The following KHDRBS3 variants were observed in gnomAD, a reference collection of about 807,000 sequenced individuals.
The protein encoded by KHDRBS3 is KH RNA binding domain containing, signal transduction associated 3.
In KHDRBS3, 23 loss-of-function variants were observed where a neutral mutation model predicts 45.6. The observed-to-expected ratio is 0.50, with a 90% CI of 0.36 to 0.72. The LOEUF is 0.72. Among genes scored for constraint, KHDRBS3 ranks in the 30% least tolerant of loss-of-function variants. The probability of loss-of-function intolerance (pLI) is 0.00; values close to 1 mark genes in which losing one functional copy is unlikely to be tolerated. For synonymous variants in KHDRBS3, 162 were observed against 156.5 expected (o/e 1.04, Z -0.26); for missense variants, 352 against 424.8 (o/e 0.83, Z 1.51).
At chr8:135,556,413 T>G (rs150581579) in intron 4 of KHDRBS3, among the ~76,000 whole-genome samples, 1,706 of 152,328 alleles carry the variant, frequency 0.011, 24 homozygotes, top group African/African-American at 0.037. Context: ...CCTGACTTTT[T>G]AATGATTGCC....
intron 7 of KHDRBS3, among the ~76,000 whole-genome samples, chr8:135,639,468 A>T (rs1401755974): frequency 6.6e-6 from 1 of 152,176 alleles, no homozygotes; most frequent in East Asian, 1.9e-4. Flanking sequence ...GGGAGATTGA[A>T]AGCTGGGTGT....
chr8:135,556,449 T>A (rs10094413), intron 4 of KHDRBS3, among the ~76,000 whole-genome samples: 88,306 of 151,574 alleles, frequency 0.58, 26,478 homozygotes, highest in East Asian at 0.78. Context: ...AGATGGTATC[T>A]CATTGTGGTT....
rs1210590766 is a variant in KHDRBS3, at chr8:135,582,039, C to T, written c.773C>T (p.Pro258Leu). 6.3e-7 allele frequency: 1 copy of T among 1,589,336 alleles called. No individual in the cohort carries two copies. Among genetic ancestry groups the T allele is most frequent in the Non-Finnish European group, 8.6e-7 (1 of 1,165,138 alleles). ...CCCCCAACTGGGTACAGACCTCCACCGCCACCCCCGACACAAGAGACTTAT... is the reference window on the plus strand; with the variant it reads ...CCCCCAACTGGGTACAGACCTCCACTGCCACCCCCGACACAAGAGACTTAT... The part of the protein sequence containing the change: ...GVPPTGYRPP[P>L]PPPTQETYGE... Residue 258 changes from proline (P) to leucine (L), a missense_variant, in exon 6 of 9, where the codon CCG (proline) becomes CTG (leucine). Around this residue, in one of 6 missense-constraint regions of KHDRBS3, gnomAD observed 212 missense variants for 209.6 expected, o/e 1.01. Coordinates refer to ENST00000355849, the MANE Select transcript of KHDRBS3 (RefSeq NM_006558.3).
At chr8:135,537,704 T>C (rs975655892) in intron 2 of KHDRBS3, among the ~76,000 whole-genome samples, 6 of 152,160 alleles carry the variant, frequency 3.9e-5, no homozygotes, top group African/African-American at 1.4e-4. Context: ...AGAGATACAA[T>C]AATTGACATC....
intron 2 of KHDRBS3, among the ~76,000 whole-genome samples, chr8:135,536,204 A>G (rs16905388): frequency 0.016 from 2,288 of 142,142 alleles, 66 homozygotes; most frequent in African/African-American, 0.053. Flanking sequence ...TTTTGCCCAT[A>G]GACTTCAGTG....
chr8:135,525,396 A>G (rs892751465), intron 2 of KHDRBS3, among the ~76,000 whole-genome samples: 3 of 152,156 alleles, frequency 2.0e-5, no homozygotes, highest in African/African-American at 4.8e-5. Context: ...ACATTTCAGC[A>G]CTATGGTTTT....
At chr8:135,602,867 G>A (rs896991636) in intron 6 of KHDRBS3, among the ~76,000 whole-genome samples, 4 of 152,164 alleles carry the variant, frequency 2.6e-5, no homozygotes, top group Non-Finnish European at 5.9e-5. Flanking sequence ...ATGAGCTAGT[G>A]TATAATTTTC....
intron 1 of KHDRBS3, among the ~76,000 whole-genome samples, chr8:135,506,404 CTTTTTTTT>C (rs35050617): frequency 7.2e-6 from 1 of 139,780 alleles, no homozygotes; most frequent in South Asian, 2.3e-4. Flanking sequence ...TAACATTCCT[CTTTTTTTT>C]TTTTTTTTTG....
chr8:135,607,255 T>C (rs1448856157), intron 7 of KHDRBS3, among the ~76,000 whole-genome samples: 1 of 152,212 alleles, frequency 6.6e-6, no homozygotes, highest in African/African-American at 2.4e-5. Context: ...AAATAAAAAC[T>C]GAAATTTTAG....
intron 1 of KHDRBS3, among the ~76,000 whole-genome samples, chr8:135,508,805 G>C (rs774774256): frequency 1.3e-5 from 2 of 152,150 alleles, no homozygotes; most frequent in Non-Finnish European, 2.9e-5. Context: ...CTAAGGGACT[G>C]GTCTGTTTGG....
intron 6 of KHDRBS3, among the ~76,000 whole-genome samples, chr8:135,600,824 G>A (rs898370727): frequency 5.3e-5 from 8 of 152,080 alleles, no homozygotes; most frequent in Non-Finnish European, 1.2e-4. Context: ...ACAGCCTCTC[G>A]AGTAGCTGGG....
At chr8:135,475,621 T>C (rs1168484232) in intron 1 of KHDRBS3, among the ~76,000 whole-genome samples, 2 of 152,092 alleles carry the variant, frequency 1.3e-5, no homozygotes, top group Non-Finnish European at 2.9e-5. Flanking sequence ...GCCTTCAGTC[T>C]GGTTTTAAAT....
chr8:135,554,652 G>T (rs915413607), intron 4 of KHDRBS3, among the ~76,000 whole-genome samples: 2 of 152,022 alleles, frequency 1.3e-5, no homozygotes, highest in African/African-American at 4.8e-5. Context: ...ACTTGTATTG[G>T]TCATTATTTG....
At chr8:135,518,088 CGT>C (rs1184312467) in intron 1 of KHDRBS3, among the ~76,000 whole-genome samples, 1 of 152,106 alleles carries the variant, frequency 6.6e-6, no homozygotes, top group Non-Finnish European at 1.5e-5. Flanking sequence ...CAAGGGAAAA[CGT>C]GTGGAATTCT....
At position 135,574,784 on chromosome 8, in the gene KHDRBS3, A is replaced by G. The variant is rs1398127194; in HGVS notation, c.612-7094A>G. The stretch of plus-strand genomic sequence containing the variant: ...GATATACAAAGATGGGTAAGACACT[A>G]CAGAAATTATATCACCATTACCGTT... On this transcript the variant is annotated intron_variant, in intron 5 of 8. Transcript: ENST00000355849. Among the ~76,000 whole-genome samples, 5 of 152,352 alleles carry G rather than the reference A, an allele frequency of 3.3e-5. No individual in the cohort carries two copies. In the East Asian group the frequency reaches 9.6e-4, roughly 29 times the overall value.
At chr8:135,575,385 A>T (rs10105084) in intron 5 of KHDRBS3, among the ~76,000 whole-genome samples, 55,062 of 151,926 alleles carry the variant, frequency 0.36, 11,300 homozygotes, top group South Asian at 0.52. Flanking sequence ...AAACCTGCAC[A>T]GCGATGCCAC....
intron 7 of KHDRBS3, among the ~76,000 whole-genome samples, chr8:135,640,202 G>A (rs1340368356): frequency 1.3e-5 from 2 of 152,224 alleles, no homozygotes; most frequent in African/African-American, 4.8e-5. Flanking sequence ...AAGACAAAGA[G>A]CAACGTAGTG....
chr8:135,575,936 G>C (rs1827927805), intron 5 of KHDRBS3, among the ~76,000 whole-genome samples: 1 of 152,136 alleles, frequency 6.6e-6, no homozygotes, highest in South Asian at 2.1e-4. Flanking sequence ...ACATCACGTT[G>C]AGTTGTCCTG....
At chr8:135,509,049 C>T (rs1047431677) in intron 1 of KHDRBS3, among the ~76,000 whole-genome samples, 4 of 152,170 alleles carry the variant, frequency 2.6e-5, no homozygotes, top group African/African-American at 4.8e-5. Context: ...CATTTGTTGT[C>T]CTCACCACTG....
Sources: gnomAD v4.1 joint callset for allele counts (sites outside exome capture counted in the v4.1 genomes callset) on GRCh38, gnomAD v4.1.1 for gene constraint, gnomAD v4.1.1 regional missense constraint, MANE v1.5 for transcripts, NCBI Gene and HGNC (gene_info 2026-07-23, HGNC 2026-07-21) for gene names.